The following ADAMTS17 variants were observed in gnomAD, a reference collection of about 807,000 sequenced individuals.
ADAMTS17 encodes the protein A disintegrin and metalloproteinase with thrombospondin motifs 17.
In ADAMTS17, 113 loss-of-function variants were observed where a neutral mutation model predicts 141.5. The ratio of observed to expected loss-of-function variants is 0.80; its 90% CI spans 0.69 to 0.93. The LOEUF (loss-of-function observed/expected upper bound fraction) is 0.93, where lower values mean the gene tolerates loss of function less well. ADAMTS17 is among the 40% of genes least tolerant of loss of function. The probability of loss-of-function intolerance (pLI) is 0.00; values close to 1 mark genes in which losing one functional copy is unlikely to be tolerated. For missense variants in ADAMTS17, 1,659 were observed against 1,517.9 expected, an observed-to-expected ratio of 1.09 and a Z score of -1.54; for synonymous variants, 768 against 630.6, an observed-to-expected ratio of 1.22 and a Z score of -3.27.
intron 3 of ADAMTS17, among the ~76,000 whole-genome samples, chr15:100,307,804 C>A (rs374893831): frequency 6.6e-6 from 1 of 152,206 alleles, no homozygotes; most frequent in Admixed American, 6.5e-5. Flanking sequence ...TCCCACAGAC[C>A]CCCTGCTGGG....
intron 7 of ADAMTS17, among the ~76,000 whole-genome samples, chr15:100,244,061 CT>C (rs1320364130): frequency 1.3e-5 from 2 of 151,976 alleles, no homozygotes; most frequent in Non-Finnish European, 2.9e-5. Context: ...CTGAGGAGGC[CT>C]CACAGTCATG....
At chr15:100,010,582 A>T (rs1170161028) in intron 18 of ADAMTS17, among the ~76,000 whole-genome samples, 1 of 152,316 alleles carries the variant, frequency 6.6e-6, no homozygotes, top group Non-Finnish European at 1.5e-5. Flanking sequence ...CTTCCCAAAA[A>T]AGACCAGCGT....
intron 15 of ADAMTS17, among the ~76,000 whole-genome samples, chr15:100,073,826 G>A (rs1211498818): frequency 1.3e-5 from 2 of 151,572 alleles, no homozygotes; most frequent in African/African-American, 2.4e-5. Context: ...ATAACGAGTT[G>A]ATGGGTGCAG....
rs2039225706 is a variant in ADAMTS17 at position 100,152,632 on chromosome 15, T to C, written c.1453A>G (p.Thr485Ala). Residue 485 changes from threonine (T) to alanine (A), a missense_variant, in exon 10 of 22, where the codon ACC becomes GCC. Thr to Ala is a moderately conservative substitution (Grantham distance 58, BLOSUM62 0). Coordinates refer to ENST00000268070, the MANE Select transcript of ADAMTS17 (RefSeq NM_139057.4). ...QCQILFGMNA[T>A]FCRNMEHLMC... ...CTTACCTCCATGTTTCTGCAGAAGG[T>C]GGCATTCATGCCAAACAGGATCTGG... The C allele has an allele frequency of 6.2e-7, 1 of 1,614,026 alleles. No homozygotes were observed. Among genetic ancestry groups the C allele is most frequent in the Non-Finnish European group, 8.5e-7 (1 of 1,180,032 alleles).
intron 7 of ADAMTS17, among the ~76,000 whole-genome samples, chr15:100,214,933 A>T (rs2041923676): frequency 6.6e-6 from 1 of 152,238 alleles, no homozygotes; most frequent in Non-Finnish European, 1.5e-5. Flanking sequence ...CTGCAGAGAC[A>T]ACTCTCTTTT....
In ADAMTS17 at chr15:100,241,424, T is replaced by C. The variant is rs1405072882; in HGVS notation, c.1075+12712A>G. On this transcript the variant is annotated intron_variant, in intron 7 of 21. Transcript: ENST00000268070. ...ACCTCGAAGTATTTCAAGGGCAGGA[T>C]CTTGTAGAAACACACACTAGCACTT... Among the ~76,000 whole-genome samples the C allele has an allele frequency of 5.9e-5, 9 of 152,180 alleles. No individual in the cohort carries two copies. The East Asian group carries it at 1.2e-3, about 20-fold the overall frequency.
At chr15:100,110,217 AT>A (rs1358078259) in intron 13 of ADAMTS17, among the ~76,000 whole-genome samples, 1 of 132,790 alleles carries the variant, frequency 7.5e-6, no homozygotes, top group Non-Finnish European at 1.6e-5. Flanking sequence ...GTATATATAT[AT>A]TTTTATATAT....
At chr15:100,059,256 T>C (rs11634139) in intron 15 of ADAMTS17, among the ~76,000 whole-genome samples, 81,031 of 152,224 alleles carry the variant, frequency 0.53, 24,600 homozygotes, top group Non-Finnish European at 0.69. Context: ...AAGAATACAC[T>C]TGGCATGCCC....
chr15:100,260,265 G>C (rs758456952), intron 6 of ADAMTS17, among the ~76,000 whole-genome samples: 26 of 152,204 alleles, frequency 1.7e-4, no homozygotes, highest in Non-Finnish European at 2.8e-4. Flanking sequence ...CATGGCCTGA[G>C]AAATGCAACC....
intron 3 of ADAMTS17, among the ~76,000 whole-genome samples, chr15:100,320,104 C>G (rs7167293): frequency 2.6e-5 from 4 of 151,958 alleles, no homozygotes; most frequent in East Asian, 3.8e-4. Context: ...GGAGATCAGA[C>G]GTAGTTTAAG....
intron 8 of ADAMTS17, among the ~76,000 whole-genome samples, chr15:100,157,983 C>T (rs112734409): frequency 0.03 from 4,481 of 151,694 alleles, 208 homozygotes; most frequent in African/African-American, 0.1. Context: ...CTGCCTCCCG[C>T]GTTCAAGCTA....
chr15:100,207,499 C>A (rs562992148), intron 7 of ADAMTS17, among the ~76,000 whole-genome samples: 34 of 152,306 alleles, frequency 2.2e-4, no homozygotes, highest in South Asian at 1.7e-3. Flanking sequence ...ACTCACCATG[C>A]TCATTTGCCA....
At position 100,064,163 on chromosome 15, in the gene ADAMTS17, C is replaced by T. The variant is rs144272624; in HGVS notation, c.2138-10109G>A. ...AGACATGCACATAGGGAGAATGTCG[C>T]GAGAACATGAAGGCAGAGATGAAGT... On this transcript the variant is annotated intron_variant, in intron 15 of 21. Coordinates refer to ENST00000268070, the MANE Select transcript of ADAMTS17 (RefSeq NM_139057.4). 9.9e-5 allele frequency among the ~76,000 whole-genome samples: 15 copies of T among 152,150 alleles called. No individual in the cohort carries two copies. In the South Asian group the frequency reaches 1.0e-3, roughly 11 times the overall value.
intron 2 of ADAMTS17, among the ~76,000 whole-genome samples, chr15:100,338,257 T>G (rs554111999): frequency 6.6e-6 from 1 of 152,180 alleles, no homozygotes; most frequent in South Asian, 2.1e-4. Context: ...CCATGGCCCC[T>G]AAACAGCTAC....
chr15:100,233,432 T>TAGCACCTTCCCTGACC (rs1455689584), intron 7 of ADAMTS17, among the ~76,000 whole-genome samples: 2 of 152,136 alleles, frequency 1.3e-5, no homozygotes, highest in African/African-American at 2.4e-5. Context: ...GGAAATTCCC[T>TAGCACCTTCCCTGACC]AGCACTGTGT....
At chr15:100,103,721 A>C (rs2036258827) in intron 14 of ADAMTS17, among the ~76,000 whole-genome samples, 2 of 152,150 alleles carry the variant, frequency 1.3e-5, no homozygotes, top group Non-Finnish European at 1.5e-5. Context: ...AATTATGGGC[A>C]TGCACTACCA....
intron 11 of ADAMTS17, 56 bp downstream of exon 11, chr15:100,133,158 A>G (rs990817383): frequency 2.0e-6 from 3 of 1,468,758 alleles, no homozygotes; most frequent in South Asian, 1.2e-5. Flanking sequence ...AAGAGGTGCC[A>G]GTTGCCTGCA....
chr15:100,259,325 T>C (rs1226912872), intron 6 of ADAMTS17, among the ~76,000 whole-genome samples: 1 of 152,226 alleles, frequency 6.6e-6, no homozygotes, highest in Non-Finnish European at 1.5e-5. Context: ...TCTCAAATCA[T>C]GGTACCCTTA....
At chr15:100,040,092 G>C (rs970890837) in intron 18 of ADAMTS17, among the ~76,000 whole-genome samples, 2 of 152,180 alleles carry the variant, frequency 1.3e-5, no homozygotes, top group Non-Finnish European at 2.9e-5. Flanking sequence ...CTCAGAAGGA[G>C]AAAAGAATCA....
Sources: allele counts gnomAD v4.1 joint callset (sites outside exome capture counted in the v4.1 genomes callset), GRCh38; gene constraint gnomAD v4.1.1; transcripts MANE v1.5; gene names NCBI Gene and HGNC (gene_info 2026-07-23, HGNC 2026-07-21).